The following S100Z variants were observed in gnomAD, a reference collection of about 807,000 sequenced individuals.
S100Z encodes S100 calcium binding protein Z.
A neutral mutation model predicts 8.5 loss-of-function variants in S100Z; 11 were observed. The observed-to-expected ratio is 1.30, with a 90% CI of 0.82 to 2.15. S100Z has a LOEUF of 2.15. Ranked by LOEUF, S100Z falls within the 30% of genes most tolerant of loss-of-function variation. The pLI, the probability that S100Z is intolerant of heterozygous loss-of-function variation, is 0.00. For synonymous variants in S100Z, 34 were observed against 43.8 expected (o/e 0.78, Z 0.89); for missense variants, 126 against 117.9 (o/e 1.07, Z -0.32).
At chr5:76,897,830 T>A (rs997770929) in intron 4 of S100Z, among the ~76,000 whole-genome samples, 4 of 152,244 alleles carry the variant, frequency 2.6e-5, no homozygotes, top group Admixed American at 2.0e-4. Context: ...GTATGTTGAT[T>A]TTGTATCTTG....
downstream of S100Z, among the ~76,000 whole-genome samples, chr5:76,925,954 G>T (rs1745130996): frequency 6.6e-6 from 1 of 152,154 alleles, no homozygotes; most frequent in East Asian, 1.9e-4. Context: ...GTGACAGAGT[G>T]AGACTCCATC....
intron 1 of S100Z, among the ~76,000 whole-genome samples, chr5:76,869,679 C>A (rs557912744): frequency 6.6e-6 from 1 of 152,122 alleles, no homozygotes; most frequent in South Asian, 2.1e-4. Context: ...TTAAAAGGCC[C>A]CAAAGGTGGT....
rs576867654 is a variant in S100Z at position 76,897,871 on chromosome 5, A to G, written c.*2+20037A>G. 2.6e-5 allele frequency among the ~76,000 whole-genome samples: 4 copies of G among 152,328 alleles called. No homozygotes were observed. The South Asian group carries it at 8.3e-4, about 32-fold the overall frequency. ...TTACTGAATTTGTTTATCAGTTCTAATAGTTTTCTTGTGGACTCCTTAGGT... is the reference window on the plus strand; with the variant it reads ...TTACTGAATTTGTTTATCAGTTCTAGTAGTTTTCTTGTGGACTCCTTAGGT... On this transcript the variant is annotated intron_variant, in intron 4 of 4. Transcript: ENST00000317593.
chr5:76,888,367 A>AT (rs1171043164), intron 4 of S100Z, among the ~76,000 whole-genome samples: 553 of 45,402 alleles, frequency 0.012, 180 homozygotes, highest in African/African-American at 0.034. Context: ...AAGTGCTGGT[A>AT]TTTTTTTTTT....
At chr5:76,932,934 T>TA in the S100Z span, among the ~76,000 whole-genome samples, 12 of 152,202 alleles carry the variant, frequency 7.9e-5, no homozygotes, top group Non-Finnish European at 1.6e-4. Flanking sequence ...TGAAACTCAT[T>TA]AAAATGAAAA....
chr5:76,895,920 G>A (rs967787765), intron 4 of S100Z, among the ~76,000 whole-genome samples: 5 of 151,418 alleles, frequency 3.3e-5, no homozygotes, highest in African/African-American at 9.7e-5. Context: ...CCACCACCAC[G>A]CCTGGCTAAT....
At chr5:76,910,110 A>G (rs1744595186) in intron 4 of S100Z, among the ~76,000 whole-genome samples, 1 of 152,242 alleles carries the variant, frequency 6.6e-6, no homozygotes, top group African/African-American at 2.4e-5. Flanking sequence ...AAGGAGAATT[A>G]GGAAAAGCCC....
chr5:76,914,140 C>G (rs1744771791), intron 4 of S100Z, among the ~76,000 whole-genome samples: 1 of 152,112 alleles, frequency 6.6e-6, no homozygotes, highest in African/African-American at 2.4e-5. Context: ...AAGAGTTCCC[C>G]TCTGGAGGAC....
chr5:76,929,288 A>G, the S100Z span, among the ~76,000 whole-genome samples: 1 of 152,214 alleles, frequency 6.6e-6, no homozygotes, highest in Non-Finnish European at 1.5e-5. Context: ...TGTTTTCTGA[A>G]AAAAGTTTGC....
the S100Z span, among the ~76,000 whole-genome samples, chr5:76,941,177 T>C: frequency 3.9e-5 from 6 of 152,188 alleles, no homozygotes; most frequent in East Asian, 3.9e-4. Context: ...TTCAGCTTAA[T>C]TTTTTTCGTT....
chr5:76,862,581 C>G (rs976409108), intron 1 of S100Z, among the ~76,000 whole-genome samples: 3 of 152,044 alleles, frequency 2.0e-5, no homozygotes, highest in Non-Finnish European at 4.4e-5. Context: ...GGTGGATAAC[C>G]TGAGGCCAGG....
chr5:76,940,155 C>CAAAA, the S100Z span, among the ~76,000 whole-genome samples: 5 of 116,820 alleles, frequency 4.3e-5, no homozygotes, highest in African/African-American at 1.3e-4. Flanking sequence ...GACTCCATCT[C>CAAAA]AAAAAAAAAA....
intron 4 of S100Z, among the ~76,000 whole-genome samples, chr5:76,879,454 A>G (rs1171397112): frequency 6.6e-6 from 1 of 152,198 alleles, no homozygotes; most frequent in Non-Finnish European, 1.5e-5. Flanking sequence ...CTTTTACTAA[A>G]TGGGAAAGAC....
intron 2 of S100Z, among the ~76,000 whole-genome samples, chr5:76,873,014 A>G (rs913131846): frequency 6.6e-6 from 1 of 152,182 alleles, no homozygotes; most frequent in Non-Finnish European, 1.5e-5. Context: ...AATATTGTAT[A>G]GAGTTTGTTT....
chr5:76,940,883 C>T, the S100Z span, among the ~76,000 whole-genome samples: 10 of 152,164 alleles, frequency 6.6e-5, no homozygotes, highest in East Asian at 1.9e-3. Context: ...GTTGCTCAGA[C>T]TTTTCTTGTT....
chr5:76,851,607 A>T (rs1434845205), intron 1 of S100Z, among the ~76,000 whole-genome samples: 1 of 152,004 alleles, frequency 6.6e-6, no homozygotes, highest in African/African-American at 2.4e-5. Flanking sequence ...CAGCAAAAAA[A>T]GGGGATCCCC....
chr5:76,894,952 G>A (rs1003671432), intron 4 of S100Z, among the ~76,000 whole-genome samples: 3 of 151,974 alleles, frequency 2.0e-5, no homozygotes, highest in Admixed American at 6.6e-5. Flanking sequence ...AGAAAAAAGC[G>A]CTATGTTGTT....
chr5:76,873,510 T>G (rs1410161915), intron 2 of S100Z, among the ~76,000 whole-genome samples: 1 of 152,006 alleles, frequency 6.6e-6, no homozygotes, highest in Admixed American at 6.5e-5. Flanking sequence ...GTTTCACCAT[T>G]TTGGTCAGGG....
intron 4 of S100Z, among the ~76,000 whole-genome samples, chr5:76,910,546 A>C (rs1053622542): frequency 6.6e-6 from 1 of 152,210 alleles, no homozygotes; most frequent in Non-Finnish European, 1.5e-5. Context: ...GACATTTTAA[A>C]AAAGATTGTC....
Sources: gnomAD v4.1 joint callset for allele counts (sites outside exome capture counted in the v4.1 genomes callset) on GRCh38, gnomAD v4.1.1 for gene constraint, MANE v1.5 for transcripts, NCBI Gene and HGNC (gene_info 2026-07-23, HGNC 2026-07-21) for gene names.